MAF: variants seen among roughly 807,000 people sequenced by gnomAD.
MAF encodes transcription factor Maf.
MAF carries 10 observed loss-of-function variants against 22.0 expected under a neutral mutation model. The observed-to-expected ratio is 0.45, with a 90% CI of 0.28 to 0.77. The LOEUF is 0.77. MAF is among the 30% of genes least tolerant of loss of function. MAF has a pLI of 0.12. For missense variants in MAF, 544 were observed against 548.4 expected (o/e 0.99, Z 0.08); for synonymous variants, 337 against 255.8 (o/e 1.32, Z -3.03).
chr16:79,453,120 A>G, the MAF span, among the ~76,000 whole-genome samples: 16 of 152,282 alleles, frequency 1.1e-4, no homozygotes, highest in South Asian at 2.3e-3. Context: ...AAAGCACTGG[A>G]AACACTTTTC....
chr16:79,208,140 T>C, the MAF span, among the ~76,000 whole-genome samples: 573 of 152,312 alleles, frequency 3.8e-3, 4 homozygotes, highest in African/African-American at 0.013. Flanking sequence ...TCCTGGGTAA[T>C]TTTACATATA....
the MAF span, among the ~76,000 whole-genome samples, chr16:79,560,712 C>G: frequency 6.6e-6 from 1 of 152,072 alleles, no homozygotes. Flanking sequence ...AGGAATGAGC[C>G]TAGAAGTCAC....
the MAF span, among the ~76,000 whole-genome samples, chr16:79,497,601 T>A: frequency 1.3e-5 from 2 of 152,168 alleles, no homozygotes; most frequent in African/African-American, 4.8e-5. Flanking sequence ...CTCATGTGGG[T>A]CTACAGTGAC....
At chr16:79,315,686 C>A in the MAF span, among the ~76,000 whole-genome samples, 1 of 152,162 alleles carries the variant, frequency 6.6e-6, no homozygotes, top group African/African-American at 2.4e-5. Context: ...ACTGCCAATG[C>A]TGGGTGGGTG....
the MAF span, among the ~76,000 whole-genome samples, chr16:79,343,672 T>A: frequency 6.6e-6 from 1 of 152,254 alleles, no homozygotes; most frequent in Non-Finnish European, 1.5e-5. Context: ...AGCAGACTCC[T>A]GACTTTTCAA....
At chr16:79,253,439 G>A in the MAF span, among the ~76,000 whole-genome samples, 1 of 152,108 alleles carries the variant, frequency 6.6e-6, no homozygotes, top group Non-Finnish European at 1.5e-5. Context: ...TCCTCCCCTA[G>A]GTTCCCCATT....
the MAF span, among the ~76,000 whole-genome samples, chr16:79,446,612 T>C: frequency 6.6e-6 from 1 of 152,138 alleles, no homozygotes; most frequent in Admixed American, 6.6e-5. Context: ...TTCCTCTGAA[T>C]GCTACATTTA....
chr16:79,272,550 G>A, the MAF span, among the ~76,000 whole-genome samples: 2 of 152,136 alleles, frequency 1.3e-5, no homozygotes, highest in Non-Finnish European at 2.9e-5. Flanking sequence ...CCCTAAGTAG[G>A]ACAACTTTCA....
the MAF span, among the ~76,000 whole-genome samples, chr16:79,526,935 G>T: frequency 6.6e-6 from 1 of 152,276 alleles, no homozygotes; most frequent in South Asian, 2.1e-4. Context: ...TTTTCAAATA[G>T]AATTGATTTG....
the MAF span, among the ~76,000 whole-genome samples, chr16:79,276,658 A>G: frequency 6.6e-6 from 1 of 152,182 alleles, no homozygotes; most frequent in East Asian, 1.9e-4. Context: ...GGAGTGCAGG[A>G]GCCACATCTT....
chr16:79,352,056 G>A, the MAF span, among the ~76,000 whole-genome samples: 2 of 152,122 alleles, frequency 1.3e-5, no homozygotes, highest in African/African-American at 4.8e-5. Flanking sequence ...GCCCAGAAAG[G>A]ATCTGTCCAG....
At chr16:79,276,149 A>G in the MAF span, among the ~76,000 whole-genome samples, 5 of 150,178 alleles carry the variant, frequency 3.3e-5, no homozygotes, top group African/African-American at 9.8e-5. Flanking sequence ...CAAAGAAAAA[A>G]AAAGAAAGAA....
chr16:79,412,457 A>C, the MAF span, among the ~76,000 whole-genome samples: 7 of 152,320 alleles, frequency 4.6e-5, no homozygotes, highest in South Asian at 1.5e-3. Flanking sequence ...TATTGCTTGA[A>C]TGTTCCATGA....
At chr16:79,592,481 T>C (rs960027522), downstream of MAF, among the ~76,000 whole-genome samples, 1 of 152,258 alleles carries the variant, frequency 6.6e-6, no homozygotes, top group Admixed American at 6.5e-5. Flanking sequence ...AGCAGTGTTA[T>C]GGCAAGTTGG....
At chr16:79,204,947 C>G in the MAF span, 1 of 152,190 alleles carries the variant, frequency 6.6e-6, no homozygotes, top group Non-Finnish European at 1.5e-5. Flanking sequence ...CCTCTTAAAA[C>G]TTCTTAGTGC....
the MAF span, among the ~76,000 whole-genome samples, chr16:79,551,772 A>C: frequency 2.6e-5 from 4 of 152,208 alleles, no homozygotes; most frequent in African/African-American, 9.6e-5. Flanking sequence ...TGCTATGCCC[A>C]TTCATTTATC....
At chr16:79,587,265 CA>C (rs1233692378) in intron 1 of MAF, among the ~76,000 whole-genome samples, 4 of 151,952 alleles carry the variant, frequency 2.6e-5, no homozygotes, top group South Asian at 2.1e-4. Context: ...TATTAGTATA[CA>C]TTTTTTTTTG....
At chr16:79,575,100 G>T in the MAF span, among the ~76,000 whole-genome samples, 1 of 151,294 alleles carries the variant, frequency 6.6e-6, no homozygotes, top group Non-Finnish European at 1.5e-5. Context: ...TCTGAGGCAC[G>T]GCATCAATGT....
chr16:79,556,581 T>C, the MAF span, among the ~76,000 whole-genome samples: 1 of 152,202 alleles, frequency 6.6e-6, no homozygotes, highest in African/African-American at 2.4e-5. Flanking sequence ...CTGATGAAAT[T>C]GAATATATAA....
Sources: gnomAD v4.1 joint callset for allele counts (sites outside exome capture counted in the v4.1 genomes callset) on GRCh38, gnomAD v4.1.1 for gene constraint, MANE v1.5 for transcripts, NCBI Gene and HGNC (gene_info 2026-07-23, HGNC 2026-07-21) for gene names.